MDM2: variants seen among roughly 807,000 people sequenced by gnomAD.
The protein encoded by MDM2 is E3 ubiquitin-protein ligase Mdm2.
A neutral mutation model predicts 64.3 loss-of-function variants in MDM2; 11 were observed. The observed-to-expected ratio is 0.17, with a 90% confidence interval of 0.11 to 0.28. The LOEUF (loss-of-function observed/expected upper bound fraction) is 0.28, where lower values mean the gene tolerates loss of function less well. Ranked by LOEUF, MDM2 falls within the 10% of genes least tolerant of loss-of-function variation. The pLI, the probability that MDM2 is intolerant of heterozygous loss-of-function variation, is 1.00. For missense variants in MDM2, 388 were observed against 577.1 expected, an observed-to-expected ratio of 0.67 and a Z score of 3.36; for synonymous variants, 194 against 192.9, an observed-to-expected ratio of 1.01 and a Z score of -0.05.
intron 2 of MDM2, 42 bp downstream of exon 2, chr12:68,809,334 T>C: frequency 6.4e-7 from 1 of 1,554,648 alleles, no homozygotes; most frequent in South Asian, 1.1e-5. Context: ...AATAATTTAT[T>C]TTATGAAGTG....
At chr12:68,832,919 G>A (rs1168951946) in intron 8 of MDM2, among the ~76,000 whole-genome samples, 1 of 150,982 alleles carries the variant, frequency 6.6e-6, no homozygotes, top group East Asian at 1.9e-4. Flanking sequence ...AAGGTCAGGA[G>A]ATCGAGACCA....
chr12:68,844,340 G>A lies in MDM2; in HGVS notation c.*4491G>A, dbSNP rs1884078383. On this transcript the variant is annotated 3_prime_UTR_variant, in exon 11 of 11. Coordinates refer to ENST00000258149, the MANE Select transcript of MDM2 (RefSeq NM_002392.6). ...CACTTTAGAAATACAAATATCACTG[G>A]GCAGCTTGAAGCAGTTGGGAGCCTC... 4.5e-6 allele frequency: 1 copy of A among 223,744 alleles called. No homozygotes were observed. Among genetic ancestry groups the A allele is most frequent in the Non-Finnish European group, 8.9e-6 (1 of 112,196 alleles). The allele number at this position is 223,744 out of a possible 1,614,324, so 13.9% of individuals were successfully genotyped here.
At position 68,828,854 on chromosome 12, in the gene MDM2, C is replaced by T. The variant is rs1795480; in HGVS notation, c.607C>T (p.Leu203=). The change falls in exon 8 of 11, where the codon CTG becomes TTG. Residue 203 remains leucine (L), a synonymous_variant. Transcript: ENST00000258149. ...DSISLSFDES[L]ALCVIREICC... is the part of the protein sequence containing the mutation. The stretch of plus-strand genomic sequence containing the variant: ...TATTTCCCTTTCCTTTGATGAAAGC[C>T]TGGCTCTGTGTGTAATAAGGGAGAT... The T allele has an allele frequency of 0.015, 24,451 of 1,613,910 alleles. 225 individuals are homozygous for T. Among genetic ancestry groups the T allele is most frequent in the African/African-American group, 0.029 (2,166 of 74,972 alleles).
chr12:68,824,313 G>GCCCCCCCC, intron 5 of MDM2, 50 bp from the exon 6 acceptor site: 1 of 998,362 alleles, frequency 1.0e-6, no homozygotes, highest in South Asian at 1.3e-5. Context: ...GTAGCGCCCC[G>GCCCCCCCC]CCGCCCCCCG....
intron 2 of MDM2, among the ~76,000 whole-genome samples, chr12:68,812,676 C>G (rs1881009067): frequency 6.6e-6 from 1 of 152,114 alleles, no homozygotes; most frequent in Non-Finnish European, 1.5e-5. Context: ...TCTTGAACAC[C>G]TAGCCTCAAG....
At position 68,842,360 on chromosome 12, in the gene MDM2, G is replaced by A; in HGVS notation, c.*2511G>A. 2.0e-6 allele frequency: 1 copy of A among 495,418 alleles called. No individual in the cohort carries two copies. Among genetic ancestry groups the A allele is most frequent in the South Asian group, 1.5e-5 (1 of 64,864 alleles). 30.7% of individuals were successfully genotyped at this position (495,418 alleles called of 1,614,324 possible). ...AGAAAAGATGATATAACAGTTAACA[G>A]GATGCAGACATGGCAGAGGTTTCCT... is the stretch of plus-strand genomic sequence containing the variant. On this transcript the variant is annotated 3_prime_UTR_variant, in exon 11 of 11. Transcript: ENST00000258149.
At position 68,824,684 on chromosome 12, in the gene MDM2, C is replaced by T. The variant is rs750827846; in HGVS notation, c.523+33C>T. On this transcript the variant is annotated intron_variant, in intron 7 of 10. Coordinates refer to ENST00000258149, the MANE Select transcript of MDM2 (RefSeq NM_002392.6). Reference sequence around the variant, plus strand: ...TGAATATTTATTTGACGCATTCACACAGCTTTTTGATATTCTTTCTCTAAT... The same window carrying T: ...TGAATATTTATTTGACGCATTCACATAGCTTTTTGATATTCTTTCTCTAAT... 5 of 1,332,492 alleles carry T rather than the reference C, an allele frequency of 3.8e-6. No individual in the cohort carries two copies. In the Admixed American group the frequency reaches 5.8e-5, roughly 16 times the overall value. 82.5% of individuals were successfully genotyped at this position (1,332,492 alleles called of 1,614,324 possible).
In MDM2 at chr12:68,843,853, A is replaced by G. The variant is rs976153463; in HGVS notation, c.*4004A>G. 3 of 216,404 alleles carry G rather than the reference A, an allele frequency of 1.4e-5. No homozygotes were observed. Among genetic ancestry groups the G allele is most frequent in the African/African-American group, 6.8e-5 (3 of 44,270 alleles). 13.4% of individuals were successfully genotyped at this position (216,404 alleles called of 1,614,324 possible). On this transcript the variant is annotated 3_prime_UTR_variant, in exon 11 of 11. Coordinates refer to ENST00000258149, the MANE Select transcript of MDM2 (RefSeq NM_002392.6). ...TGGAGGTCCTCGAAGCATTATTTGGAGTTGATAATACTTCAGCTTCAATTT... is the reference window on the plus strand; with the variant it reads ...TGGAGGTCCTCGAAGCATTATTTGGGGTTGATAATACTTCAGCTTCAATTT...
chr12:68,814,743 A>G (rs72550806), intron 3 of MDM2: 2,026 of 179,470 alleles, frequency 0.011, 54 homozygotes, highest in African/African-American at 0.045. Context: ...ATTTTAATGC[A>G]TTCCCCACCT....
At chr12:68,836,990 T>G (rs1883361452) in intron 10 of MDM2, among the ~76,000 whole-genome samples, 1 of 150,562 alleles carries the variant, frequency 6.6e-6, no homozygotes, top group African/African-American at 2.4e-5. Context: ...GGTCTTACCC[T>G]TCTCCCAAGC....
At chr12:68,817,259 C>T (rs906525142) in intron 4 of MDM2, among the ~76,000 whole-genome samples, 4 of 152,164 alleles carry the variant, frequency 2.6e-5, no homozygotes, top group East Asian at 1.9e-4. Context: ...TGAAGAGAGA[C>T]GTTGTATAAA....
rs1293612398 is a variant in MDM2 at position 68,843,233 on chromosome 12, A to T, written c.*3384A>T. 4.4e-6 allele frequency: 1 copy of T among 225,306 alleles called. No homozygotes were observed. The highest frequency in any genetic ancestry group is 8.8e-6 in the Non-Finnish European group (1 of 113,330). The allele number at this position is 225,306 out of a possible 1,614,324, so 14.0% of individuals were successfully genotyped here. On this transcript the variant is annotated 3_prime_UTR_variant, in exon 11 of 11. Coordinates refer to ENST00000258149, the MANE Select transcript of MDM2 (RefSeq NM_002392.6). The stretch of plus-strand genomic sequence containing the variant: ...AATAAGTTCTAGCTGAAGTATTATG[A>T]ACTCCAAATAATGCTTTGAGGACCT...
Position 68,839,893 on chromosome 12 carries a change from C to A in MDM2, c.*44C>A, listed in dbSNP as rs1431924536. The A allele has an allele frequency of 5.9e-6, 9 of 1,526,852 alleles. No individual in the cohort carries two copies. Among genetic ancestry groups the A allele is most frequent in the Non-Finnish European group, 8.0e-6 (9 of 1,126,668 alleles). The allele number at this position is 1,526,852 out of a possible 1,614,324, so 94.6% of individuals were successfully genotyped here. ...AATTATATATTTCTAACTATATAAC[C>A]CTAGGAATTTAGACAACCTGAAATT... On this transcript the variant is annotated 3_prime_UTR_variant, in exon 11 of 11. Transcript: ENST00000258149.
chr12:68,810,514 T>G (rs1283085474), intron 2 of MDM2, among the ~76,000 whole-genome samples: 3 of 151,820 alleles, frequency 2.0e-5, no homozygotes, highest in Non-Finnish European at 4.4e-5. Context: ...CAGGCTGGAG[T>G]GCAGTGGCAC....
chr12:68,829,942 A>G (rs1403882707), intron 8 of MDM2, among the ~76,000 whole-genome samples: 1 of 152,176 alleles, frequency 6.6e-6, no homozygotes, highest in Non-Finnish European at 1.5e-5. Context: ...GACAAATGGA[A>G]TATTTTGTTT....
downstream of MDM2, chr12:68,849,831 T>G (rs1435092893): frequency 6.6e-6 from 1 of 150,452 alleles, no homozygotes; most frequent in African/African-American, 2.5e-5. Flanking sequence ...CAGGCTAGTC[T>G]CGAACTCCTG....
Position 68,842,485 on chromosome 12 carries a change from C to T in MDM2, c.*2636C>T. 2.5e-6 allele frequency: 1 copy of T among 397,104 alleles called. No individual in the cohort carries two copies. Among genetic ancestry groups the T allele is most frequent in the South Asian group, 2.1e-5 (1 of 47,800 alleles). The allele number at this position is 397,104 out of a possible 1,614,324, so 24.6% of individuals were successfully genotyped here. The stretch of plus-strand genomic sequence containing the variant: ...TATTGACTTATTTTTTATATAAGGT[C>T]ACTCCGATGAAAGGTGATTACAAAA... On this transcript the variant is annotated 3_prime_UTR_variant, in exon 11 of 11. Coordinates refer to ENST00000258149, the MANE Select transcript of MDM2 (RefSeq NM_002392.6).
rs1341324994 is a variant in MDM2 at position 68,843,364 on chromosome 12, G to T, written c.*3515G>T. On this transcript the variant is annotated 3_prime_UTR_variant, in exon 11 of 11. Transcript: ENST00000258149. ...TTGAATGTTCTTGCTACAAATAAAT[G>T]ATATTTGAGCTGATGGGTGTGCTAA... 1 of 230,342 alleles carries T rather than the reference G, an allele frequency of 4.3e-6. No homozygotes were observed. Among genetic ancestry groups the T allele is most frequent in the Non-Finnish European group, 8.6e-6 (1 of 116,424 alleles). The allele number at this position is 230,342 out of a possible 1,614,324, so 14.3% of individuals were successfully genotyped here. A position where few individuals can be genotyped will look rare whatever the true frequency, so the allele number is the denominator to read the frequency against.
Position 68,839,854 on chromosome 12 carries a change from C to G in MDM2, c.*5C>G, listed in dbSNP as rs710633. ...GTGCTAACTTATTTCCCCTAGTTGACCTGTCTATAAGAGAATTATATATTT... is the reference window on the plus strand; with the variant it reads ...GTGCTAACTTATTTCCCCTAGTTGAGCTGTCTATAAGAGAATTATATATTT... On this transcript the variant is annotated 3_prime_UTR_variant, in exon 11 of 11. Transcript: ENST00000258149. The G allele has an allele frequency of 1.2e-6, 2 of 1,612,628 alleles. No homozygotes were observed. The highest frequency in any genetic ancestry group is 2.2e-5 in the East Asian group (1 of 44,856).
Sources: allele counts gnomAD v4.1 joint callset (sites outside exome capture counted in the v4.1 genomes callset), GRCh38; gene constraint gnomAD v4.1.1; transcripts MANE v1.5; gene names NCBI Gene and HGNC (gene_info 2026-07-23, HGNC 2026-07-21).